ANK2: variants seen among roughly 807,000 people sequenced by gnomAD.
ANK2 encodes ankyrin 2.
ANK2 carries 83 observed loss-of-function variants against 360.5 expected under a neutral mutation model. The observed-to-expected ratio is 0.23, with a 90% confidence interval of 0.19 to 0.28. The LOEUF (loss-of-function observed/expected upper bound fraction) is 0.28, where lower values mean the gene tolerates loss of function less well. Ranked by LOEUF, ANK2 falls within the 10% of genes least tolerant of loss-of-function variation. The pLI is 1.00. For synonymous variants in ANK2, 1,740 were observed against 1,759.5 expected (o/e 0.99, Z 0.28); for missense variants, 4,201 against 4,795.7 (o/e 0.88, Z 3.66).
At chr4:112,734,118 A>T in the ANK2 span, among the ~76,000 whole-genome samples, 13 of 152,180 alleles carry the variant, frequency 8.5e-5, no homozygotes, top group Non-Finnish European at 1.9e-4. Flanking sequence ...TGTGTAAAAT[A>T]CATATTTGCA....
chr4:112,794,066 A>T, the ANK2 span, among the ~76,000 whole-genome samples: 2 of 152,204 alleles, frequency 1.3e-5, no homozygotes, highest in African/African-American at 4.8e-5. Context: ...TGGTTTATAG[A>T]GTAACTAATT....
At chr4:112,895,918 G>A (rs2081596124) in intron 1 of ANK2, among the ~76,000 whole-genome samples, 1 of 152,232 alleles carries the variant, frequency 6.6e-6, no homozygotes, top group Non-Finnish European at 1.5e-5. Context: ...CAAACTGTCT[G>A]TGATTCAGCG....
At chr4:112,766,251 G>T in the ANK2 span, among the ~76,000 whole-genome samples, 2 of 151,844 alleles carry the variant, frequency 1.3e-5, no homozygotes, top group Non-Finnish European at 2.9e-5. Flanking sequence ...AACCTGGGAG[G>T]CGGAGGTTGC....
chr4:112,976,492 C>T (rs2041472219), intron 2 of ANK2, among the ~76,000 whole-genome samples: 1 of 152,126 alleles, frequency 6.6e-6, no homozygotes, highest in Admixed American at 6.6e-5. Context: ...GGCACCCAGC[C>T]TGGTTGTGGA....
At chr4:112,731,220 G>A in the ANK2 span, among the ~76,000 whole-genome samples, 1 of 150,692 alleles carries the variant, frequency 6.6e-6, no homozygotes. Flanking sequence ...GAGCCTGGGA[G>A]GTTGAGGTTG....
intron 1 of ANK2, among the ~76,000 whole-genome samples, chr4:112,901,802 T>A (rs1260870028): frequency 6.6e-6 from 1 of 151,048 alleles, no homozygotes; most frequent in African/African-American, 2.4e-5. Flanking sequence ...GAGGCAGAGG[T>A]TGCAGTGAGC....
intron 14 of ANK2, among the ~76,000 whole-genome samples, chr4:113,267,012 G>A (rs993370841): frequency 7.2e-5 from 11 of 152,188 alleles, no homozygotes; most frequent in African/African-American, 1.9e-4. Context: ...GTGATGATGA[G>A]CTTTTTCTCA....
intron 1 of ANK2, among the ~76,000 whole-genome samples, chr4:113,094,775 G>T (rs1488866827): frequency 6.6e-6 from 1 of 152,148 alleles, no homozygotes; most frequent in Non-Finnish European, 1.5e-5. Flanking sequence ...GTCAGAACCA[G>T]ATTTCATCAC....
chr4:113,264,761 TA>T, intron 13 of ANK2, 135 bp from the exon 14 acceptor site: 1 of 793,880 alleles, frequency 1.3e-6, no homozygotes, highest in East Asian at 2.9e-5. Flanking sequence ...TTTTCCAGAC[TA>T]AATAATTATG....
intron 2 of ANK2, among the ~76,000 whole-genome samples, chr4:113,176,787 AC>A (rs1379568977): frequency 6.6e-6 from 1 of 151,538 alleles, no homozygotes; most frequent in Non-Finnish European, 1.5e-5. Flanking sequence ...TCCTCCCCCC[AC>A]CCCACAACAG....
intron 2 of ANK2, among the ~76,000 whole-genome samples, chr4:113,039,387 A>G (rs1286697590): frequency 1.3e-5 from 2 of 152,078 alleles, no homozygotes; most frequent in African/African-American, 4.8e-5. Flanking sequence ...ATTCCATTAT[A>G]GAAACCCCTG....
intron 1 of ANK2, among the ~76,000 whole-genome samples, chr4:112,901,084 T>C (rs2083210613): frequency 2.6e-5 from 4 of 152,216 alleles, no homozygotes; most frequent in Admixed American, 2.6e-4. Flanking sequence ...TATTAACTTT[T>C]TTGGTTTAAT....
chr4:112,763,132 C>T, the ANK2 span, among the ~76,000 whole-genome samples: 5 of 151,946 alleles, frequency 3.3e-5, no homozygotes, highest in African/African-American at 7.3e-5. Flanking sequence ...GCGGTGGGCT[C>T]ACCACAGCCT....
At chr4:113,148,018 A>G (rs1046656440) in intron 1 of ANK2, among the ~76,000 whole-genome samples, 3 of 152,198 alleles carry the variant, frequency 2.0e-5, no homozygotes, top group African/African-American at 7.2e-5. Context: ...TTCACTTGTG[A>G]AAGAAGCAGC....
At chr4:112,765,735 A>G in the ANK2 span, among the ~76,000 whole-genome samples, 1 of 148,076 alleles carries the variant, frequency 6.8e-6, no homozygotes, top group Non-Finnish European at 1.5e-5. Flanking sequence ...AAAATTCCTA[A>G]CTCTGTGTTG....
At chr4:112,941,630 AATAT>A (rs930409202) in intron 2 of ANK2, among the ~76,000 whole-genome samples, 3 of 143,532 alleles carry the variant, frequency 2.1e-5, no homozygotes, top group Non-Finnish European at 4.6e-5. Flanking sequence ...TGTAAATGTA[AATAT>A]ATAAATATAT....
chr4:113,045,134 T>G (rs1375998385), upstream of ANK2, among the ~76,000 whole-genome samples: 2 of 152,178 alleles, frequency 1.3e-5, no homozygotes, highest in African/African-American at 4.8e-5. Flanking sequence ...TTTACCTCAC[T>G]CAAATAATGT....
intron 2 of ANK2, among the ~76,000 whole-genome samples, chr4:112,983,473 T>C (rs2043790737): frequency 6.6e-6 from 1 of 151,096 alleles, no homozygotes; most frequent in East Asian, 1.9e-4. Flanking sequence ...GGTTGGGAGA[T>C]CGAGACCAGC....
chr4:113,371,576 G>T (rs2096740042), intron 43 of ANK2, among the ~76,000 whole-genome samples: 1 of 152,080 alleles, frequency 6.6e-6, no homozygotes, highest in Non-Finnish European at 1.5e-5. Flanking sequence ...AATTTATACA[G>T]GCCTGTTCGA....
Sources: allele counts gnomAD v4.1 joint callset (sites outside exome capture counted in the v4.1 genomes callset), GRCh38; gene constraint gnomAD v4.1.1; transcripts MANE v1.5; gene names NCBI Gene and HGNC (gene_info 2026-07-23, HGNC 2026-07-21).